The following KIF1B variants were observed in gnomAD, a reference collection of about 807,000 sequenced individuals.
The protein encoded by KIF1B is kinesin family member 1B, also known as kinesin-like protein KIF1B.
KIF1B carries 76 observed loss-of-function variants against 241.9 expected under a neutral mutation model. That is an observed-to-expected ratio of 0.31 (90% confidence interval 0.26 to 0.38). KIF1B has a LOEUF of 0.38. Ranked by LOEUF, KIF1B falls within the 10% of genes least tolerant of loss-of-function variation. KIF1B has a pLI of 1.00. For missense variants in KIF1B, 1,622 were observed against 2,271.4 expected (o/e 0.71, Z 5.81); for synonymous variants, 750 against 796.7 (o/e 0.94, Z 0.99).
chr1:10,372,104 GA>G (rs1158358987), intron 45 of KIF1B, among the ~76,000 whole-genome samples: 1 of 152,120 alleles, frequency 6.6e-6, no homozygotes, highest in Non-Finnish European at 1.5e-5. Context: ...GGTGGCTGGA[GA>G]AAATAACACA....
chr1:10,242,027 T>C (rs976311203), intron 2 of KIF1B, among the ~76,000 whole-genome samples: 2 of 152,178 alleles, frequency 1.3e-5, no homozygotes, highest in African/African-American at 4.8e-5. Context: ...GTGAAAGCTG[T>C]TCTTAGTTGT....
At chr1:10,243,674 C>T (rs76481890) in intron 2 of KIF1B, among the ~76,000 whole-genome samples, 2,562 of 152,214 alleles carry the variant, frequency 0.017, 78 homozygotes, top group African/African-American at 0.058. Context: ...GTCTCCAGAA[C>T]CCTTACTATT....
chr1:10,292,171 T>G lies in KIF1B; in HGVS notation c.1590+49T>G, dbSNP rs368984965. On this transcript the variant is annotated intron_variant, in intron 17 of 48. Coordinates refer to ENST00000676179, the MANE Select transcript of KIF1B (RefSeq NM_001365951.3). The stretch of plus-strand genomic sequence containing the variant: ...TAATCAGACAGAGACACTTTTTGTT[T>G]GTCTTTGTTACTGGGGCACTTCATG... The G allele has an allele frequency of 3.7e-5, 54 of 1,470,572 alleles. No individual in the cohort carries two copies. The African/African-American group carries it at 6.2e-4, about 17-fold the overall frequency. 91.1% of individuals were successfully genotyped at this position (1,470,572 alleles called of 1,614,324 possible). A position where few individuals can be genotyped will look rare whatever the true frequency, so the allele number is the denominator to read the frequency against.
chr1:10,347,091 T>G (rs543581642), intron 35 of KIF1B, among the ~76,000 whole-genome samples: 2 of 152,214 alleles, frequency 1.3e-5, no homozygotes, highest in Non-Finnish European at 2.9e-5. Flanking sequence ...TTGTGTATAA[T>G]CATCTCTAAA....
intron 1 of KIF1B, among the ~76,000 whole-genome samples, chr1:10,224,306 T>G (rs1349995305): frequency 2.0e-5 from 3 of 151,918 alleles, no homozygotes; most frequent in Non-Finnish European, 4.4e-5. Flanking sequence ...TTAGTAGAGA[T>G]GGGGTTTCAC....
intron 38 of KIF1B, among the ~76,000 whole-genome samples, chr1:10,360,325 C>T (rs1638383572): frequency 6.6e-6 from 1 of 152,096 alleles, no homozygotes; most frequent in Non-Finnish European, 1.5e-5. Context: ...TCATCTTAAT[C>T]CCTTTGATTG....
intron 37 of KIF1B, among the ~76,000 whole-genome samples, chr1:10,352,056 C>T (rs1413496265): frequency 2.8e-5 from 4 of 142,156 alleles, no homozygotes; most frequent in African/African-American, 5.6e-5. Flanking sequence ...TGGATTGGAA[C>T]GGGGAGGTGT....
At chr1:10,307,977 T>A in intron 22 of KIF1B, 1 of 1,055,490 alleles carries the variant, frequency 9.5e-7, no homozygotes. Flanking sequence ...TTTATTACAT[T>A]GAAGTGACTT....
chr1:10,262,790 TCTC>T (rs1278693929), intron 5 of KIF1B, among the ~76,000 whole-genome samples: 4 of 152,204 alleles, frequency 2.6e-5, no homozygotes, highest in Non-Finnish European at 5.9e-5. Context: ...TGGGAACTCT[TCTC>T]CTTTAATATT....
At chr1:10,284,819 G>C (rs929310435) in intron 15 of KIF1B, among the ~76,000 whole-genome samples, 19 of 151,874 alleles carry the variant, frequency 1.3e-4, no homozygotes, top group African/African-American at 4.6e-4. Flanking sequence ...CTAAGATTGC[G>C]CCAATGCCCT....
chr1:10,261,206 A>G (rs960642753), intron 4 of KIF1B, among the ~76,000 whole-genome samples: 1 of 151,138 alleles, frequency 6.6e-6, no homozygotes, highest in Admixed American at 6.6e-5. Flanking sequence ...GCCTCAAGTG[A>G]TCTGCCTGCC....
chr1:10,368,338 G>A (rs911236904), intron 43 of KIF1B, 129 bp from the exon 44 acceptor site: 1 of 738,804 alleles, frequency 1.4e-6, no homozygotes, highest in Non-Finnish European at 2.5e-6. Flanking sequence ...CATAGGGAGA[G>A]GAGATGTGGA....
At chr1:10,295,367 T>C (rs1371028107) in intron 18 of KIF1B, among the ~76,000 whole-genome samples, 1 of 152,212 alleles carries the variant, frequency 6.6e-6, no homozygotes, top group East Asian at 1.9e-4. Context: ...CTGAAGACCC[T>C]AAATAATTTT....
At chr1:10,334,149 C>CAAAAAA (rs372716443) in intron 27 of KIF1B, among the ~76,000 whole-genome samples, 12 of 82,874 alleles carry the variant, frequency 1.4e-4, no homozygotes, top group South Asian at 9.9e-4. Flanking sequence ...GACTCTGTCT[C>CAAAAAA]AAAAAAAAAA....
At chr1:10,318,270 C>A (rs1651381853) in intron 22 of KIF1B, among the ~76,000 whole-genome samples, 1 of 151,386 alleles carries the variant, frequency 6.6e-6, no homozygotes, top group Non-Finnish European at 1.5e-5. Flanking sequence ...CTTGGGAGCT[C>A]CTTTTGTAAT....
At position 10,330,882 on chromosome 1, in the gene KIF1B, G is replaced by A. The variant is rs144671543; in HGVS notation, c.2925-3638G>A. On this transcript the variant is annotated intron_variant, in intron 27 of 48. Transcript: ENST00000676179. Reference sequence around the variant, plus strand: ...TGTAAATTATAGCAGTGATGAAATAGTTGTGTGTGTTGTCGGAGATCACAT... The same window carrying A: ...TGTAAATTATAGCAGTGATGAAATAATTGTGTGTGTTGTCGGAGATCACAT... Among the ~76,000 whole-genome samples the A allele has an allele frequency of 3.6e-4, 55 of 152,314 alleles. No individual in the cohort carries two copies. In the East Asian group the frequency reaches 7.5e-3, roughly 21 times the overall value.
intron 15 of KIF1B, among the ~76,000 whole-genome samples, chr1:10,290,315 G>A (rs1354454611): frequency 1.3e-5 from 2 of 152,016 alleles, no homozygotes; most frequent in Non-Finnish European, 1.5e-5. Context: ...TTATATAAGT[G>A]TAAACACTCA....
chr1:10,341,395 G>A (rs1269435733), intron 32 of KIF1B, among the ~76,000 whole-genome samples: 2 of 152,252 alleles, frequency 1.3e-5, no homozygotes, highest in Non-Finnish European at 2.9e-5. Flanking sequence ...ATGCATGGAT[G>A]TGCTGGAAGG....
In KIF1B at chr1:10,334,316, A is replaced by G. The variant is rs1401481033; in HGVS notation, c.2925-204A>G. Among the ~76,000 whole-genome samples the G allele has an allele frequency of 4.6e-5, 7 of 152,116 alleles. No individual in the cohort carries two copies. Among genetic ancestry groups the G allele is most frequent in the African/African-American group, 1.4e-4 (6 of 41,410 alleles). ...ATTTGGTGTGTGTTGGTCTTCGTCA[A>G]CAGTTCTGCCAAGCGTTTGCTTGTT... On this transcript the variant is annotated intron_variant, in intron 27 of 48. Coordinates refer to ENST00000676179, the MANE Select transcript of KIF1B (RefSeq NM_001365951.3).
Sources: allele counts gnomAD v4.1 joint callset (sites outside exome capture counted in the v4.1 genomes callset), GRCh38; gene constraint gnomAD v4.1.1; transcripts MANE v1.5; gene names NCBI Gene and HGNC (gene_info 2026-07-23, HGNC 2026-07-21).